The following AGBL4 variants were observed in gnomAD, a reference collection of about 807,000 sequenced individuals.
AGBL4 encodes the protein AGBL carboxypeptidase 4.
Under a neutral mutation model 66.4 loss-of-function variants are expected in AGBL4, and 58 were observed. The observed-to-expected ratio is 0.87, with a 90% CI of 0.71 to 1.09. AGBL4 has a LOEUF of 1.09. AGBL4 is among the 50% of genes least tolerant of loss of function. The pLI, the probability that AGBL4 is intolerant of heterozygous loss-of-function variation, is 0.00. For synonymous variants in AGBL4, 234 were observed against 222.9 expected, an observed-to-expected ratio of 1.05 and a Z score of -0.44; for missense variants, 579 against 631.0, an observed-to-expected ratio of 0.92 and a Z score of 0.88.
intron 6 of AGBL4, among the ~76,000 whole-genome samples, chr1:48,750,007 T>C (rs1022846793): frequency 2.0e-5 from 3 of 152,178 alleles, no homozygotes; most frequent in South Asian, 2.1e-4. Context: ...AGTGAGTGCC[T>C]GAGGGTAGGA....
chr1:49,833,358 T>C (rs1260413556), intron 2 of AGBL4, among the ~76,000 whole-genome samples: 1 of 151,908 alleles, frequency 6.6e-6, no homozygotes, highest in Non-Finnish European at 1.5e-5. Context: ...TCTATATCTC[T>C]GTTTTGGTAC....
chr1:49,077,095 CGT>C (rs3043747), intron 4 of AGBL4, among the ~76,000 whole-genome samples: 7 of 150,466 alleles, frequency 4.7e-5, no homozygotes, highest in Admixed American at 2.7e-4. Flanking sequence ...CTTCTGTGTG[CGT>C]GTGTGTGTGT....
intron 1 of AGBL4, among the ~76,000 whole-genome samples, chr1:49,896,648 CACACACAA>C (rs1402524291): frequency 8.3e-5 from 11 of 132,504 alleles, no homozygotes; most frequent in African/African-American, 3.4e-4. Context: ...CACACACACA[CACACACAA>C]CTAAATGCTA....
intron 3 of AGBL4, among the ~76,000 whole-genome samples, chr1:49,677,704 A>C (rs1190772785): frequency 6.6e-6 from 1 of 152,084 alleles, no homozygotes; most frequent in Non-Finnish European, 1.5e-5. Flanking sequence ...AGACCTCTCA[A>C]TGTGATGACA....
At chr1:49,368,912 A>G (rs1644289566) in intron 3 of AGBL4, among the ~76,000 whole-genome samples, 1 of 152,050 alleles carries the variant, frequency 6.6e-6, no homozygotes, top group Non-Finnish European at 1.5e-5. Flanking sequence ...CATCTCTAAT[A>G]AAAATACAAA....
intron 3 of AGBL4, among the ~76,000 whole-genome samples, chr1:49,623,022 ACTCT>A (rs1468423985): frequency 6.6e-6 from 1 of 151,752 alleles, no homozygotes; most frequent in East Asian, 1.9e-4. Flanking sequence ...CCACACACAC[ACTCT>A]CTCTCTCAAA....
chr1:48,911,278 G>C (rs1422803611), intron 5 of AGBL4, among the ~76,000 whole-genome samples: 1 of 152,152 alleles, frequency 6.6e-6, no homozygotes, highest in African/African-American at 2.4e-5. Flanking sequence ...AGGTGATCTT[G>C]TTTAAGAGAC....
chr1:49,722,988 C>G (rs555753108), intron 2 of AGBL4, among the ~76,000 whole-genome samples: 1 of 152,226 alleles, frequency 6.6e-6, no homozygotes, highest in African/African-American at 2.4e-5. Flanking sequence ...ATGAACTCTA[C>G]ACTGAGTGTC....
At chr1:49,849,415 T>C (rs924616960) in intron 2 of AGBL4, among the ~76,000 whole-genome samples, 21 of 127,070 alleles carry the variant, frequency 1.7e-4, no homozygotes, top group African/African-American at 5.3e-4. Flanking sequence ...ATTATTATTA[T>C]TATTATTATT....
chr1:48,829,295 T>C (rs1646497779), intron 6 of AGBL4, among the ~76,000 whole-genome samples: 1 of 152,194 alleles, frequency 6.6e-6, no homozygotes, highest in Admixed American at 6.5e-5. Flanking sequence ...AGTGTTGAGA[T>C]GTGATCCTAG....
intron 5 of AGBL4, among the ~76,000 whole-genome samples, chr1:49,005,498 G>A (rs548614129): frequency 6.6e-5 from 10 of 152,240 alleles, no homozygotes; most frequent in Middle Eastern, 3.4e-3. Context: ...AGCCATCTTG[G>A]TTATCAGATT....
intron 2 of AGBL4, among the ~76,000 whole-genome samples, chr1:49,847,845 G>A (rs1204096106): frequency 6.6e-6 from 1 of 152,010 alleles, no homozygotes; most frequent in Admixed American, 6.6e-5. Flanking sequence ...GGGACTATAG[G>A]CGCCCGCCAC....
chr1:48,894,799 G>A (rs1347795208), intron 5 of AGBL4, among the ~76,000 whole-genome samples: 1 of 152,070 alleles, frequency 6.6e-6, no homozygotes, highest in Admixed American at 6.5e-5. Context: ...AATGAACAAA[G>A]GATGAATTTA....
At chr1:49,209,353 GTCACTC>G (rs1648487727) in intron 4 of AGBL4, among the ~76,000 whole-genome samples, 1 of 151,956 alleles carries the variant, frequency 6.6e-6, no homozygotes, top group Non-Finnish European at 1.5e-5. Context: ...CCCAATTCTT[GTCACTC>G]TCTGCTGGAC....
intron 4 of AGBL4, among the ~76,000 whole-genome samples, chr1:49,201,104 A>G (rs1436825706): frequency 6.6e-6 from 1 of 152,204 alleles, no homozygotes; most frequent in Non-Finnish European, 1.5e-5. Context: ...TAGCACAGAT[A>G]TATTCCCTTA....
chr1:48,847,236 G>A (rs1348748378), intron 6 of AGBL4, among the ~76,000 whole-genome samples: 2 of 152,170 alleles, frequency 1.3e-5, no homozygotes. Context: ...GGAAGCGGAG[G>A]TTGCAGGGAG....
At chr1:49,234,500 G>T (rs1481381057) in intron 4 of AGBL4, among the ~76,000 whole-genome samples, 1 of 152,198 alleles carries the variant, frequency 6.6e-6, no homozygotes, top group African/African-American at 2.4e-5. Context: ...GTATATAAAA[G>T]AGCATTGGTG....
chr1:49,324,235 A>G lies in AGBL4; in HGVS notation c.283-78371T>C, dbSNP rs1442947979. Among the ~76,000 whole-genome samples the G allele has an allele frequency of 3.9e-5, 6 of 152,248 alleles. No homozygotes were observed. The East Asian group carries it at 9.6e-4, about 24-fold the overall frequency. On this transcript the variant is annotated intron_variant, in intron 3 of 13. Coordinates refer to ENST00000371839, the MANE Select transcript of AGBL4 (RefSeq NM_032785.4). ...AATCACCAGAGAATGTCTTCTGAAG[A>G]AAAAAGAGAAACTACCTCAGAGCTG... is the stretch of plus-strand genomic sequence containing the variant.
chr1:48,696,603 A>G (rs1243820896), intron 6 of AGBL4, among the ~76,000 whole-genome samples: 2 of 152,178 alleles, frequency 1.3e-5, no homozygotes, highest in African/African-American at 4.8e-5. Flanking sequence ...ACCTGTGGTC[A>G]CCAATGCAGG....
Sources: gnomAD v4.1 joint callset for allele counts (sites outside exome capture counted in the v4.1 genomes callset) on GRCh38, gnomAD v4.1.1 for gene constraint, MANE v1.5 for transcripts, NCBI Gene and HGNC (gene_info 2026-07-23, HGNC 2026-07-21) for gene names.